SIAH3: variants seen among roughly 807,000 people sequenced by gnomAD.
SIAH3 encodes the protein siah E3 ubiquitin protein ligase family member 3, also known as seven in absentia homolog 3.
SIAH3 carries 9 observed loss-of-function variants against 12.6 expected under a neutral mutation model. The observed-to-expected ratio is 0.72, with a 90% CI of 0.43 to 1.25. The LOEUF (loss-of-function observed/expected upper bound fraction) is 1.25, where lower values mean the gene tolerates loss of function less well. Among genes scored for constraint, SIAH3 ranks in the 50% most tolerant of loss-of-function variants. SIAH3 has a pLI of 0.00. For synonymous variants in SIAH3, 154 were observed against 151.1 expected, an observed-to-expected ratio of 1.02 and a Z score of -0.14; for missense variants, 390 against 365.4, an observed-to-expected ratio of 1.07 and a Z score of -0.55.
chr13:45,785,851 T>G (rs1042990254), intron 1 of SIAH3, among the ~76,000 whole-genome samples: 10 of 152,144 alleles, frequency 6.6e-5, no homozygotes, highest in Non-Finnish European at 1.3e-4. Flanking sequence ...GTGAACAGTG[T>G]GTCTTCAGCT....
rs773086385 is a variant in SIAH3 at position 45,778,354 on chromosome 13, G to A, written c.*5029C>T. On this transcript the variant is annotated 3_prime_UTR_variant, in exon 2 of 2. Coordinates refer to ENST00000400405, the MANE Select transcript of SIAH3 (RefSeq NM_198849.3). ...AGAGCTGGTTTTGCTTTTTGGATTG[G>A]GATAGCCAATAGGCTGAGTTTGCGG... 1.2e-4 allele frequency: 19 copies of A among 152,210 alleles called. No individual in the cohort carries two copies. Among genetic ancestry groups the A allele is most frequent in the Non-Finnish European group, 2.6e-4 (18 of 68,040 alleles). The allele number at this position is 152,210 out of a possible 1,614,324, so 9.4% of individuals were successfully genotyped here. A position where few individuals can be genotyped will look rare whatever the true frequency, so the allele number is the denominator to read the frequency against.
chr13:45,810,062 G>A (rs967337420), intron 1 of SIAH3, among the ~76,000 whole-genome samples: 4 of 152,144 alleles, frequency 2.6e-5, no homozygotes, highest in Admixed American at 2.6e-4. Context: ...GCAGCCCAGA[G>A]CCCTGAGGCA....
intron 1 of SIAH3, among the ~76,000 whole-genome samples, chr13:45,851,248 G>A (rs1950780495): frequency 6.6e-6 from 1 of 152,150 alleles, no homozygotes; most frequent in Non-Finnish European, 1.5e-5. Flanking sequence ...CAGCGTCGGG[G>A]AAAGACATCA....
At chr13:45,834,842 C>G (rs1394072540) in intron 1 of SIAH3, among the ~76,000 whole-genome samples, 3 of 152,212 alleles carry the variant, frequency 2.0e-5, no homozygotes, top group Non-Finnish European at 4.4e-5. Context: ...CTAAACCTCT[C>G]TGGGCCTCAG....
intron 1 of SIAH3, among the ~76,000 whole-genome samples, chr13:45,803,282 G>T (rs771523825): frequency 7.2e-5 from 11 of 152,090 alleles, no homozygotes; most frequent in Non-Finnish European, 1.5e-5. Flanking sequence ...TCATTCATTC[G>T]TTCATCAAAC....
At chr13:45,828,821 A>G (rs1292423418) in intron 1 of SIAH3, among the ~76,000 whole-genome samples, 4 of 152,232 alleles carry the variant, frequency 2.6e-5, no homozygotes, top group Admixed American at 6.5e-5. Flanking sequence ...AAACCTGCTT[A>G]CCATGCAGAA....
chr13:45,797,152 T>C (rs903997830), intron 1 of SIAH3, among the ~76,000 whole-genome samples: 3 of 152,196 alleles, frequency 2.0e-5, no homozygotes, highest in Non-Finnish European at 4.4e-5. Flanking sequence ...GCAGGTTTTT[T>C]TTTTTTTTTA....
intron 1 of SIAH3, among the ~76,000 whole-genome samples, chr13:45,792,937 T>A (rs897105136): frequency 1.3e-5 from 2 of 151,974 alleles, no homozygotes; most frequent in African/African-American, 2.4e-5. Flanking sequence ...AAGGCGACTT[T>A]TTGTGTAGTT....
At chr13:45,830,616 T>C (rs1950695407) in intron 1 of SIAH3, among the ~76,000 whole-genome samples, 1 of 152,192 alleles carries the variant, frequency 6.6e-6, no homozygotes. Context: ...TTGGGTTTGG[T>C]TAAAGCCCTC....
chr13:45,834,168 C>T (rs1950710045), intron 1 of SIAH3, among the ~76,000 whole-genome samples: 1 of 152,198 alleles, frequency 6.6e-6, no homozygotes, highest in Non-Finnish European at 1.5e-5. Context: ...TCCCTGAATG[C>T]CAATTTCTTA....
chr13:45,784,649 A>G (rs1176334518), intron 1 of SIAH3, among the ~76,000 whole-genome samples: 1 of 151,984 alleles, frequency 6.6e-6, no homozygotes, highest in African/African-American at 2.4e-5. Context: ...CCCTAAGGAG[A>G]GAGTCCCCGC....
At position 45,784,009 on chromosome 13, in the gene SIAH3, T is replaced by C. The variant is rs780609619; in HGVS notation, c.184A>G (p.Ser62Gly). The change falls in exon 2 of 2, where the codon AGC (serine) becomes GGC (glycine). Residue 62 changes from serine (S) to glycine (G), a missense_variant. Ser to Gly is a moderately conservative substitution (Grantham distance 56). Transcript: ENST00000400405. Reference sequence around the variant, plus strand: ...TGGGAGAGATGGTGAGGGTGGAAGCTGCCTTGCTCTGGAGCGCTCTGAGTG... The same window carrying C: ...TGGGAGAGATGGTGAGGGTGGAAGCCGCCTTGCTCTGGAGCGCTCTGAGTG... Reference protein sequence around the residue: ...AVTQSAPEQGSFHPHHLSHHH... With the variant: ...AVTQSAPEQGGFHPHHLSHHH... 1.9e-6 allele frequency: 3 copies of C among 1,605,228 alleles called. No homozygotes were observed. The highest frequency in any genetic ancestry group is 2.3e-5 in the South Asian group (2 of 88,774).
At chr13:45,840,024 G>A (rs1472150470) in intron 1 of SIAH3, among the ~76,000 whole-genome samples, 4 of 152,052 alleles carry the variant, frequency 2.6e-5, no homozygotes, top group Non-Finnish European at 4.4e-5. Flanking sequence ...TCGGGAGGCC[G>A]AGGTGGGTGG....
intron 1 of SIAH3, among the ~76,000 whole-genome samples, chr13:45,826,392 G>A (rs374845726): frequency 1.2e-5 from 1 of 80,648 alleles, no homozygotes. Context: ...TGGATGGATG[G>A]ATGGATGGAT....
At chr13:45,802,001 G>C (rs905440882) in intron 1 of SIAH3, among the ~76,000 whole-genome samples, 1 of 152,176 alleles carries the variant, frequency 6.6e-6, no homozygotes, top group Non-Finnish European at 1.5e-5. Flanking sequence ...CTGAAAGACT[G>C]TTGCAGAGTA....
intron 1 of SIAH3, among the ~76,000 whole-genome samples, chr13:45,811,978 A>G (rs1950617916): frequency 6.6e-6 from 1 of 152,218 alleles, no homozygotes; most frequent in Non-Finnish European, 1.5e-5. Context: ...TCCCATGGGA[A>G]GTCTCCCTCT....
In SIAH3 at chr13:45,814,005, G is replaced by A. The variant is rs557886568; in HGVS notation, c.136-29948C>T. Among the ~76,000 whole-genome samples the A allele has an allele frequency of 4.6e-5, 7 of 152,146 alleles. No individual in the cohort carries two copies. The East Asian group carries it at 5.8e-4, about 13-fold the overall frequency. On this transcript the variant is annotated intron_variant, in intron 1 of 1. Coordinates refer to ENST00000400405, the MANE Select transcript of SIAH3 (RefSeq NM_198849.3). The stretch of plus-strand genomic sequence containing the variant: ...TGTAATCCCAGTACTTTGGGAGGCC[G>A]AGGCAGGCGGATCATGAGGCCAGGA...
chr13:45,812,661 AAC>A (rs376805762), intron 1 of SIAH3, among the ~76,000 whole-genome samples: 5 of 151,858 alleles, frequency 3.3e-5, no homozygotes, highest in Admixed American at 6.6e-5. Context: ...ATAAATATAT[AAC>A]ACACACACAC....
intron 1 of SIAH3, among the ~76,000 whole-genome samples, chr13:45,850,691 A>G (rs2137589236): frequency 6.6e-6 from 1 of 151,610 alleles, no homozygotes; most frequent in South Asian, 2.1e-4. Flanking sequence ...CGGACCCCAT[A>G]TTTTGTCTGG....
Sources: allele counts gnomAD v4.1 joint callset (sites outside exome capture counted in the v4.1 genomes callset), GRCh38; gene constraint gnomAD v4.1.1; transcripts MANE v1.5; gene names NCBI Gene and HGNC (gene_info 2026-07-23, HGNC 2026-07-21).